LPO: variants seen among roughly 807,000 people sequenced by gnomAD.
The protein encoded by LPO is lactoperoxidase.
In LPO, 70 loss-of-function variants were observed where a neutral mutation model predicts 68.4. That is an observed-to-expected ratio of 1.02 (90% CI 0.84 to 1.25). LPO has a LOEUF of 1.25. Ranked by LOEUF, LPO falls within the 50% of genes most tolerant of loss-of-function variation. The pLI, the probability that LPO is intolerant of heterozygous loss-of-function variation, is 0.00. For missense variants in LPO, 873 were observed against 908.4 expected (o/e 0.96, Z 0.50); for synonymous variants, 360 against 357.6 (o/e 1.01, Z -0.08).
intron 11 of LPO, 67 bp downstream of exon 11, chr17:58,266,393 C>G (rs951871220): frequency 5.1e-5 from 77 of 1,515,310 alleles, no homozygotes; most frequent in Non-Finnish European, 6.4e-5. Flanking sequence ...CCTGGAGACT[C>G]TCTTCTATAA....
intron 12 of LPO, 53 bp from the exon 13 acceptor site, chr17:58,267,734 T>A: frequency 1.3e-6 from 2 of 1,541,146 alleles, no homozygotes; most frequent in Admixed American, 3.4e-5. Flanking sequence ...TGTGACAGAG[T>A]GGGGAGGGGC....
Position 58,267,383 on chromosome 17 carries a change from A to T in LPO, c.1728A>T (p.Ser576=). ...CCTGGAGAGCCTTCTGTGACCTCTC[A>T]CAGCCGCAGACACTAGAGGAGTTGA... ...YNSWRAFCDL[S]QPQTLEELNT... Residue 576 remains serine (S), a synonymous_variant, in exon 12 of 13, where the codon TCA becomes TCT. Coordinates refer to ENST00000262290, the MANE Select transcript of LPO (RefSeq NM_006151.3). 1 of 1,614,216 alleles carries T rather than the reference A, an allele frequency of 6.2e-7. No homozygotes were observed. Among genetic ancestry groups the T allele is most frequent in the Non-Finnish European group, 8.5e-7 (1 of 1,180,024 alleles).
intron 2 of LPO, 88 bp downstream of exon 2, chr17:58,243,143 C>T (rs1969788581): frequency 8.4e-6 from 11 of 1,313,894 alleles, no homozygotes; most frequent in Middle Eastern, 1.8e-4. Context: ...TGTATTCTCT[C>T]ACAGTACGGG....
chr17:58,247,103 C>G (rs1321538201), intron 3 of LPO, among the ~76,000 whole-genome samples: 1 of 152,112 alleles, frequency 6.6e-6, no homozygotes, highest in Non-Finnish European at 1.5e-5. Context: ...TATAATTAAA[C>G]CAATCCTGGT....
chr17:58,244,439 G>A (rs1489158100), intron 3 of LPO: 3 of 250,190 alleles, frequency 1.2e-5, no homozygotes, highest in Non-Finnish European at 2.3e-5. Context: ...GACTGATTCA[G>A]CCAGGTCCAC....
chr17:58,250,719 G>C (rs1969944246), intron 7 of LPO, 98 bp downstream of exon 7: 4 of 1,270,444 alleles, frequency 3.1e-6, no homozygotes, highest in Non-Finnish European at 4.5e-6. Flanking sequence ...GATAGATCTG[G>C]GATACTGATT....
chr17:58,247,410 C>A, intron 3 of LPO, 68 bp from the exon 4 acceptor site: 3 of 1,463,216 alleles, frequency 2.1e-6, no homozygotes, highest in Non-Finnish European at 2.8e-6. Flanking sequence ...CCCCTCCCAC[C>A]CCTCCAGCGG....
At chr17:58,247,431 C>G (rs1969871476) in intron 3 of LPO, 47 bp from the exon 4 acceptor site, 2 of 1,582,234 alleles carry the variant, frequency 1.3e-6, no homozygotes, top group Non-Finnish European at 1.7e-6. Flanking sequence ...CCCCCAGCCC[C>G]CTTCCTACAG....
chr17:58,240,294 A>G lies in LPO; in HGVS notation c.-3+1555A>G, dbSNP rs139092598. Among the ~76,000 whole-genome samples the G allele has an allele frequency of 1.8e-3, 272 of 152,322 alleles. 1 individual carries two copies. The highest frequency in any genetic ancestry group is 2.9e-3 in the Admixed American group (44 of 15,306). On this transcript the variant is annotated intron_variant, in intron 1 of 12. Transcript: ENST00000262290. ...GCAAAGGCTGTGGCTCTGTCTCCAG[A>G]TAGTGCTTCATGTCCCAGGGAAGGC...
intron 2 of LPO, chr17:58,243,509 T>C: frequency 4.5e-6 from 1 of 223,386 alleles, no homozygotes; most frequent in South Asian, 7.6e-5. Context: ...CACTACACTC[T>C]CCTTGTTGAG....
rs73314164 is a variant in LPO at position 58,260,453 on chromosome 17, A to G, written c.1267-4269A>G. Reference sequence around the variant, plus strand: ...TATTAAATGCGCATGGTAAGAAAGCAGGCATCCTTGTCTTCCCAATCGAGA... The same window carrying G: ...TATTAAATGCGCATGGTAAGAAAGCGGGCATCCTTGTCTTCCCAATCGAGA... On this transcript the variant is annotated intron_variant, in intron 9 of 12. Coordinates refer to ENST00000262290, the MANE Select transcript of LPO (RefSeq NM_006151.3). 3.1e-3 allele frequency among the ~76,000 whole-genome samples: 466 copies of G among 152,306 alleles called. 6 individuals are homozygous for G. The highest frequency in any genetic ancestry group is 0.011 in the African/African-American group (448 of 41,558).
intron 12 of LPO, 24 bp downstream of exon 12, chr17:58,267,610 G>C: frequency 6.3e-7 from 1 of 1,580,674 alleles, no homozygotes; most frequent in Non-Finnish European, 8.6e-7. Flanking sequence ...CAGCCAGGGA[G>C]GGAAGGGCAG....
chr17:58,242,260 A>G (rs1340190029), intron 1 of LPO, among the ~76,000 whole-genome samples: 1 of 152,256 alleles, frequency 6.6e-6, no homozygotes, highest in Non-Finnish European at 1.5e-5. Context: ...GTTAAAGCTC[A>G]TGGCAAAGAG....
At chr17:58,254,743 C>A in intron 8 of LPO, 68 bp from the exon 9 acceptor site, 3 of 1,541,680 alleles carry the variant, frequency 1.9e-6, no homozygotes, top group Non-Finnish European at 2.7e-6. Flanking sequence ...ACCATCATTT[C>A]TTTGTGCAGG....
intron 1 of LPO, chr17:58,242,774 T>C (rs1969780542): frequency 2.0e-6 from 1 of 508,668 alleles, no homozygotes; most frequent in South Asian, 2.6e-5. Context: ...CCTTCCACCA[T>C]GTCTTCTCCT....
intron 1 of LPO, among the ~76,000 whole-genome samples, chr17:58,240,661 A>T (rs984456742): frequency 6.6e-6 from 1 of 152,206 alleles, no homozygotes; most frequent in African/African-American, 2.4e-5. Context: ...TGAGGAGAGC[A>T]TGAAGGGGGT....
At chr17:58,241,134 T>C (rs1335974420) in intron 1 of LPO, among the ~76,000 whole-genome samples, 2 of 139,436 alleles carry the variant, frequency 1.4e-5, no homozygotes, top group Admixed American at 7.0e-5. Flanking sequence ...TCTTTTTTTT[T>C]TTTTTTTTTT....
At chr17:58,245,902 C>G (rs1255902939) in intron 3 of LPO, among the ~76,000 whole-genome samples, 3 of 152,226 alleles carry the variant, frequency 2.0e-5, no homozygotes, top group Non-Finnish European at 4.4e-5. Context: ...CACAGGCCAA[C>G]CAGCGCCCTG....
At chr17:58,265,298 C>A (rs1970242214) in intron 10 of LPO, among the ~76,000 whole-genome samples, 1 of 152,052 alleles carries the variant, frequency 6.6e-6, no homozygotes, top group South Asian at 2.1e-4. Flanking sequence ...ACCTCCTTTC[C>A]CCGCCCTAGG....
Sources: gnomAD v4.1 joint callset for allele counts (sites outside exome capture counted in the v4.1 genomes callset) on GRCh38, gnomAD v4.1.1 for gene constraint, MANE v1.5 for transcripts, NCBI Gene and HGNC (gene_info 2026-07-23, HGNC 2026-07-21) for gene names.